Variants in PIWIL1 observed in about 807,000 individuals in gnomAD.
PIWIL1 encodes the protein piwi like RNA-mediated gene silencing 1, also known as piwi-like protein 1.
A neutral mutation model predicts 114.4 loss-of-function variants in PIWIL1; 73 were observed. The ratio of observed to expected loss-of-function variants is 0.64; its 90% CI spans 0.53 to 0.78. PIWIL1 has a LOEUF of 0.78. PIWIL1 is among the 30% of genes least tolerant of loss of function. The pLI, the probability that PIWIL1 is intolerant of heterozygous loss-of-function variation, is 0.00. For missense variants in PIWIL1, 723 were observed against 1,063.1 expected, an observed-to-expected ratio of 0.68 and a Z score of 4.45; for synonymous variants, 375 against 369.0, an observed-to-expected ratio of 1.02 and a Z score of -0.19.
At chr12:130,352,736 G>T (rs1193785817) in intron 9 of PIWIL1, among the ~76,000 whole-genome samples, 1 of 152,132 alleles carries the variant, frequency 6.6e-6, no homozygotes, top group Non-Finnish European at 1.5e-5. Context: ...AGTGGAGGGG[G>T]CGTAGCGAGT....
chr12:130,396,228 T>TTTAA, the PIWIL1 span: 1 of 152,682 alleles, frequency 6.5e-6, no homozygotes, highest in Non-Finnish European at 1.5e-5. Flanking sequence ...ATGGATTTCC[T>TTTAA]TTAATAATAA....
chr12:130,362,921 G>C, intron 17 of PIWIL1, 70 bp from the exon 18 acceptor site: 2 of 1,611,680 alleles, frequency 1.2e-6, no homozygotes, highest in Middle Eastern at 1.7e-4. Flanking sequence ...GATGGGCCCA[G>C]ACTTTGGGAA....
the PIWIL1 span, among the ~76,000 whole-genome samples, chr12:130,422,886 G>A: frequency 1.3e-5 from 2 of 152,064 alleles, no homozygotes; most frequent in Admixed American, 6.6e-5. The surrounding 1 kb of genome is among the most constrained non-coding windows in gnomAD (Gnocchi z 5.2). Flanking sequence ...ATCCCACCCC[G>A]CCTTGGCTCC....
At chr12:130,356,894 C>G in intron 12 of PIWIL1, 24 bp from the exon 13 acceptor site, 1 of 1,533,398 alleles carries the variant, frequency 6.5e-7, no homozygotes, top group Middle Eastern at 2.1e-4. Context: ...ATGGAATTTA[C>G]AGTGTGTCTG....
At chr12:130,353,604 C>T (rs1399514968) in intron 9 of PIWIL1, among the ~76,000 whole-genome samples, 1 of 152,042 alleles carries the variant, frequency 6.6e-6, no homozygotes, top group Non-Finnish European at 1.5e-5. Flanking sequence ...GAGCTGGAGG[C>T]CAGAGAGCTC....
the PIWIL1 span, among the ~76,000 whole-genome samples, chr12:130,401,724 A>G: frequency 1.3e-5 from 2 of 151,958 alleles, no homozygotes; most frequent in South Asian, 4.1e-4. Flanking sequence ...GTTTTTAATA[A>G]CATCTAAATA....
intron 19 of PIWIL1, among the ~76,000 whole-genome samples, chr12:130,367,788 G>C (rs914247508): frequency 6.6e-6 from 1 of 152,184 alleles, no homozygotes; most frequent in Non-Finnish European, 1.5e-5. Flanking sequence ...AGGATTCCGT[G>C]AGAAAGTCAG....
chr12:130,389,852 A>G, the PIWIL1 span, among the ~76,000 whole-genome samples: 31 of 152,292 alleles, frequency 2.0e-4, no homozygotes, highest in African/African-American at 7.2e-4. Context: ...CCCTTGAAGC[A>G]TTGCTTTCCC....
intron 18 of PIWIL1, among the ~76,000 whole-genome samples, chr12:130,364,102 A>G (rs1201061244): frequency 6.6e-6 from 1 of 152,206 alleles, no homozygotes; most frequent in Non-Finnish European, 1.5e-5. Flanking sequence ...CAGTTACGTT[A>G]ACTAGTCCTC....
intron 19 of PIWIL1, among the ~76,000 whole-genome samples, chr12:130,370,276 A>G (rs940464185): frequency 6.6e-6 from 1 of 151,556 alleles, no homozygotes; most frequent in African/African-American, 2.4e-5. Context: ...GTATTCCTTC[A>G]TATTTGTACT....
chr12:130,390,868 G>T, the PIWIL1 span, among the ~76,000 whole-genome samples: 1 of 152,144 alleles, frequency 6.6e-6, no homozygotes, highest in South Asian at 2.1e-4. Flanking sequence ...CCTGGTCGTT[G>T]TCTCTCACCT....
chr12:130,405,633 G>A, the PIWIL1 span, among the ~76,000 whole-genome samples: 1 of 151,800 alleles, frequency 6.6e-6, no homozygotes, highest in East Asian at 1.9e-4. Context: ...AAGGAGGGAG[G>A]GTGGCTCTGA....
intron 18 of PIWIL1, chr12:130,366,784 A>G (rs993951093): frequency 5.5e-6 from 1 of 183,390 alleles, no homozygotes; most frequent in East Asian, 1.3e-4. Flanking sequence ...TATATTTTCT[A>G]CACAGTAGAA....
the PIWIL1 span, chr12:130,399,728 G>T: frequency 6.2e-7 from 1 of 1,614,190 alleles, no homozygotes; most frequent in Non-Finnish European, 8.5e-7. Context: ...GTGGGATGGA[G>T]CATCAGAAAG....
chr12:130,423,159 G>C, the PIWIL1 span, among the ~76,000 whole-genome samples: 1 of 152,176 alleles, frequency 6.6e-6, no homozygotes, highest in Admixed American at 6.5e-5. Context: ...CTTTAGATCA[G>C]GGTTAGGATT....
intron 9 of PIWIL1, among the ~76,000 whole-genome samples, chr12:130,353,556 TCAAA>T (rs2073278737): frequency 6.6e-6 from 1 of 152,268 alleles, no homozygotes; most frequent in South Asian, 2.1e-4. Flanking sequence ...TGAAGAGAAC[TCAAA>T]CAAAGTCTGT....
At chr12:130,404,505 G>A in the PIWIL1 span, among the ~76,000 whole-genome samples, 6 of 152,178 alleles carry the variant, frequency 3.9e-5, no homozygotes, top group African/African-American at 1.4e-4. Flanking sequence ...TCACCATGTT[G>A]GCCAGGCTGA....
intron 14 of PIWIL1, among the ~76,000 whole-genome samples, chr12:130,359,119 G>T (rs1403451300): frequency 2.0e-5 from 3 of 152,064 alleles, no homozygotes; most frequent in Non-Finnish European, 4.4e-5. Flanking sequence ...GTTGTTTTTG[G>T]TCTGTATCTA....
chr12:130,396,905 A>G, the PIWIL1 span: 2 of 152,630 alleles, frequency 1.3e-5, no homozygotes, highest in South Asian at 4.1e-4. Context: ...ATCATTGTGC[A>G]TTTATAAGGC....
Sources: gnomAD v4.1 joint callset for allele counts (sites outside exome capture counted in the v4.1 genomes callset) on GRCh38, gnomAD v4.1.1 for gene constraint, Gnocchi (gnomAD v3.1) non-coding constraint, MANE v1.5 for transcripts, NCBI Gene and HGNC (gene_info 2026-07-23, HGNC 2026-07-21) for gene names.